The following DISP3 variants were observed in gnomAD, a reference collection of about 807,000 sequenced individuals.
The protein encoded by DISP3 is dispatched RND transporter family member 3.
In DISP3, 101 loss-of-function variants were observed where a neutral mutation model predicts 135.3. The ratio of observed to expected loss-of-function variants is 0.75; its 90% confidence interval spans 0.64 to 0.88. DISP3 has a LOEUF of 0.88. Among genes scored for constraint, DISP3 ranks in the 40% least tolerant of loss-of-function variants. The probability of loss-of-function intolerance (pLI) is 0.00; values close to 1 mark genes in which losing one functional copy is unlikely to be tolerated. For missense variants in DISP3, 1,713 were observed against 1,878.6 expected (o/e 0.91, Z 1.63); for synonymous variants, 856 against 817.0 (o/e 1.05, Z -0.81).
chr1:11,503,037 C>T (rs1467567609), intron 3 of DISP3, 140 bp downstream of exon 3: 2 of 746,932 alleles, frequency 2.7e-6, no homozygotes, highest in South Asian at 1.9e-5. Context: ...GAACCAAGTA[C>T]ATCCTTGCAG....
At chr1:11,533,678 C>A in intron 17 of DISP3, 1 of 670,246 alleles carries the variant, frequency 1.5e-6, no homozygotes. Context: ...CCCACTCAGG[C>A]TCACCACACG....
chr1:11,523,920 T>TTGACATG, intron 10 of DISP3, 22 bp from the exon 11 acceptor site: 2 of 1,596,660 alleles, frequency 1.3e-6, no homozygotes, highest in Middle Eastern at 1.8e-4. Flanking sequence ...CCTGCTGTCC[T>TTGACATG]TGACATGGCG....
At position 11,520,986 on chromosome 1, in the gene DISP3, G is replaced by A; in HGVS notation, c.2362+138G>A. The A allele has an allele frequency of 2.8e-6, 3 of 1,089,726 alleles. No homozygotes were observed. Among genetic ancestry groups the A allele is most frequent in the Non-Finnish European group, 3.8e-6 (3 of 783,608 alleles). The allele number at this position is 1,089,726 out of a possible 1,614,324, so 67.5% of individuals were successfully genotyped here. ...ATCCCACTCCCCTCTGAGCCCCCAT[G>A]TTCCCACAGTTCATTCAACAGATGC... On this transcript the variant is annotated intron_variant, in intron 10 of 20. Transcript: ENST00000294484. This position sits in a 1 kb window ranked among gnomAD's most constrained non-coding sequence, Gnocchi z 4.8.
At chr1:11,509,684 G>GA (rs1641803842) in intron 3 of DISP3, among the ~76,000 whole-genome samples, 1 of 152,030 alleles carries the variant, frequency 6.6e-6, no homozygotes, top group Non-Finnish European at 1.5e-5. Flanking sequence ...TATTTTTTAT[G>GA]AATATAACCA....
intron 13 of DISP3, 109 bp downstream of exon 13, chr1:11,526,944 CTT>C (rs754627932): frequency 1.4e-3 from 1,394 of 1,013,608 alleles, no homozygotes; most frequent in Middle Eastern, 2.4e-3. Flanking sequence ...GGCCCCCTCA[CTT>C]TTTTTTTTTT....
intron 1 of DISP3, among the ~76,000 whole-genome samples, chr1:11,494,589 C>A (rs1409005130): frequency 6.6e-6 from 1 of 152,190 alleles, no homozygotes; most frequent in Non-Finnish European, 1.5e-5. Flanking sequence ...TCTTTCCTCC[C>A]TTCTCTGGAG....
chr1:11,482,586 C>T lies in DISP3; in HGVS notation c.-4+3214C>T, dbSNP rs374657231. ...GTGGGGTGGTAGTAGTGATGGTTGA[C>T]AATAACAATACTATAGGTGTTGATA... On this transcript the variant is annotated intron_variant, in intron 1 of 20. Coordinates refer to ENST00000294484, the MANE Select transcript of DISP3 (RefSeq NM_020780.2). 4.0e-4 allele frequency among the ~76,000 whole-genome samples: 61 copies of T among 152,234 alleles called. No individual in the cohort carries two copies. In the East Asian group the frequency reaches 0.01, roughly 25 times the overall value.
At position 11,531,801 on chromosome 1, in the gene DISP3, G is replaced by A; in HGVS notation, c.3375+91G>A. ...CCAGCCCTCTTCCCAGATCGGGGGG[G>A]AGATGCTGAGGCCCAGAGAGGTGGA... On this transcript the variant is annotated intron_variant, in intron 17 of 20. Transcript: ENST00000294484. This position sits in a 1 kb window ranked among gnomAD's most constrained non-coding sequence, Gnocchi z 5.2. 6.7e-7 allele frequency: 1 copy of A among 1,483,792 alleles called. No homozygotes were observed. The allele number at this position is 1,483,792 out of a possible 1,614,324, so 91.9% of individuals were successfully genotyped here. A position where few individuals can be genotyped will look rare whatever the true frequency, so the allele number is the denominator to read the frequency against.
Position 11,536,925 on chromosome 1 carries a change from C to A in DISP3, c.*239C>A. The A allele has an allele frequency of 1.7e-6, 1 of 590,016 alleles. No individual in the cohort carries two copies. The highest frequency in any genetic ancestry group is 2.9e-6 in the Non-Finnish European group (1 of 343,992). 36.5% of individuals were successfully genotyped at this position (590,016 alleles called of 1,614,324 possible). On this transcript the variant is annotated 3_prime_UTR_variant, in exon 21 of 21. Transcript: ENST00000294484. This position sits in a 1 kb window ranked among gnomAD's most constrained non-coding sequence, Gnocchi z 4.3. The stretch of plus-strand genomic sequence containing the variant: ...CTGGCAGCCACACTCGGCTTTTTGC[C>A]CAGTGGCAGAAGAGACCAGCCCTCC...
intron 1 of DISP3, among the ~76,000 whole-genome samples, chr1:11,486,812 G>C (rs2100358389): frequency 6.6e-6 from 1 of 152,190 alleles, no homozygotes; most frequent in Middle Eastern, 3.4e-3. Context: ...TGAGTAATTG[G>C]GACTACGGGT....
intron 1 of DISP3, among the ~76,000 whole-genome samples, chr1:11,487,896 T>C (rs1363701493): frequency 6.6e-6 from 1 of 152,178 alleles, no homozygotes; most frequent in Non-Finnish European, 1.5e-5. Context: ...CTCAACTGGT[T>C]CCCCAGCCCT....
chr1:11,523,651 C>CGGCG lies in DISP3; in HGVS notation c.2363-291_2363-290insGGCG, dbSNP rs1642315465. ...AGCAGGGGGCAGAGTGGCACAGAGACAGCAAGCAGGGGGCAGAGTGGCACA... is the reference window on the plus strand; with the variant it reads ...AGCAGGGGGCAGAGTGGCACAGAGACGGCGAGCAAGCAGGGGGCAGAGTGGCACA... On this transcript the variant is annotated intron_variant, in intron 10 of 20. Coordinates refer to ENST00000294484, the MANE Select transcript of DISP3 (RefSeq NM_020780.2). 8.3e-4 allele frequency among the ~76,000 whole-genome samples: 97 copies of CGGCG among 117,352 alleles called. 17 individuals are homozygous for CGGCG. The highest frequency in any genetic ancestry group is 3.7e-4 in the Non-Finnish European group (20 of 53,956). 77.0% of individuals were successfully genotyped at this position (117,352 alleles called of 152,430 possible).
chr1:11,515,684 G>T (rs1641990476), intron 5 of DISP3, among the ~76,000 whole-genome samples, 181 bp downstream of exon 5: 1 of 152,230 alleles, frequency 6.6e-6, no homozygotes, highest in Admixed American at 6.5e-5. Flanking sequence ...CATAGGGTGA[G>T]TGGAGAGAGC....
chr1:11,520,655 G>A lies in DISP3; in HGVS notation c.2201-32G>A, dbSNP rs372251114. ...ACTGGGAACAGACCAGCTGGGCCCA[G>A]CCCCGCCTGGTGTAGCGCCCTTTCC... On this transcript the variant is annotated intron_variant, in intron 9 of 20. Coordinates refer to ENST00000294484, the MANE Select transcript of DISP3 (RefSeq NM_020780.2). This position sits in a 1 kb window ranked among gnomAD's most constrained non-coding sequence, Gnocchi z 4.8. The A allele has an allele frequency of 4.1e-5, 66 of 1,603,924 alleles. No individual in the cohort carries two copies. The African/African-American group carries it at 8.0e-4, about 20-fold the overall frequency.
In DISP3 at chr1:11,511,373, C is replaced by T. The variant is rs116659086; in HGVS notation, c.1317-3017C>T. Among the ~76,000 whole-genome samples, 563 of 152,258 alleles carry T rather than the reference C, an allele frequency of 3.7e-3. 3 individuals are homozygous for T. Among genetic ancestry groups the T allele is most frequent in the African/African-American group, 0.012 (492 of 41,552 alleles). On this transcript the variant is annotated intron_variant, in intron 3 of 20. Coordinates refer to ENST00000294484, the MANE Select transcript of DISP3 (RefSeq NM_020780.2). The stretch of plus-strand genomic sequence containing the variant: ...TAGATACAATGGGGGTACTGGTATT[C>T]GTTAAATACAACCATTCCAAATGGG...
chr1:11,487,673 C>T (rs531841367), intron 1 of DISP3, among the ~76,000 whole-genome samples: 2 of 152,308 alleles, frequency 1.3e-5, no homozygotes, highest in Non-Finnish European at 2.9e-5. Context: ...AATGAGGGGC[C>T]CAGAACACCC....
In DISP3 at chr1:11,535,019, AGCGCCCTGT is replaced by A; in HGVS notation, c.3548_3556del (p.Ala1183_Cys1185del). ...CCTGTCCTCCCTTGCAGGGGTGCAG[AGCGCCCTGT>A]GCGGCCTGGTGCTATCCCTGCTCAT... On this transcript the variant is annotated inframe_deletion, in exon 19 of 21. Transcript: ENST00000294484. The A allele has an allele frequency of 6.3e-7, 1 of 1,584,614 alleles. No homozygotes were observed. The highest frequency in any genetic ancestry group is 8.6e-7 in the Non-Finnish European group (1 of 1,168,542).
Position 11,534,096 on chromosome 1 carries a change from G to A in DISP3, c.3376-285G>A, listed in dbSNP as rs548432762. On this transcript the variant is annotated intron_variant, in intron 17 of 20. Coordinates refer to ENST00000294484, the MANE Select transcript of DISP3 (RefSeq NM_020780.2). ...CAGGAACTGGCTGAGCAGGCAGAGG[G>A]AACAGCATGCACTCTGTGTGGACAG... Among the ~76,000 whole-genome samples the A allele has an allele frequency of 2.6e-5, 4 of 152,338 alleles. No homozygotes were observed. In the East Asian group the frequency reaches 7.7e-4, roughly 29 times the overall value.
chr1:11,525,407 G>A lies in DISP3; in HGVS notation c.2613+95G>A, dbSNP rs1038979404. The A allele has an allele frequency of 1.1e-5, 15 of 1,413,608 alleles. No homozygotes were observed. In the African/African-American group the frequency reaches 2.0e-4, roughly 19 times the overall value. 87.6% of individuals were successfully genotyped at this position (1,413,608 alleles called of 1,614,324 possible). On this transcript the variant is annotated intron_variant, in intron 12 of 20. Transcript: ENST00000294484. ...GTGGGCAGCCCTGGCCAATAGGGAG[G>A]GAGAAGCAGCTTTGAGGATGAAGAC... is the stretch of plus-strand genomic sequence containing the variant.
Sources: allele counts gnomAD v4.1 joint callset (sites outside exome capture counted in the v4.1 genomes callset), GRCh38; gene constraint gnomAD v4.1.1; non-coding constraint Gnocchi (gnomAD v3.1); transcripts MANE v1.5; gene names NCBI Gene and HGNC (gene_info 2026-07-23, HGNC 2026-07-21).